BACH2: variants seen among roughly 807,000 people sequenced by gnomAD.
BACH2 encodes transcription regulator protein BACH2.
Under a neutral mutation model 61.8 loss-of-function variants are expected in BACH2, and 5 were observed. The ratio of observed to expected loss-of-function variants is 0.08; its 90% CI spans 0.04 to 0.17. The LOEUF is 0.17. Among genes scored for constraint, BACH2 ranks in the 10% least tolerant of loss-of-function variants. The probability of loss-of-function intolerance (pLI) is 1.00; values close to 1 mark genes in which losing one functional copy is unlikely to be tolerated. For missense variants in BACH2, 824 were observed against 1,091.1 expected (o/e 0.76, Z 3.45); for synonymous variants, 446 against 440.1 (o/e 1.01, Z -0.17).
intron 4 of BACH2, among the ~76,000 whole-genome samples, chr6:90,187,099 G>C (rs1313859852): frequency 2.6e-5 from 4 of 152,196 alleles, no homozygotes; most frequent in African/African-American, 4.8e-5. Context: ...AAAACCTCCT[G>C]AGGGAAACTA....
chr6:89,966,353 G>A (rs1329779389), intron 6 of BACH2, among the ~76,000 whole-genome samples: 1 of 152,156 alleles, frequency 6.6e-6, no homozygotes, highest in Non-Finnish European at 1.5e-5. Context: ...AATGGGCTCT[G>A]CCAATGGAGA....
intron 4 of BACH2, among the ~76,000 whole-genome samples, chr6:90,118,916 A>C (rs1783510774): frequency 6.6e-6 from 1 of 152,098 alleles, no homozygotes; most frequent in African/African-American, 2.4e-5. Context: ...CCTCCTTTAA[A>C]CCCAATACCA....
At position 90,101,423 on chromosome 6, in the gene BACH2, A is replaced by AT. The variant is rs567892787; in HGVS notation, c.-161-12315_-161-12314insA. 9.9e-5 allele frequency among the ~76,000 whole-genome samples: 15 copies of AT among 152,274 alleles called. No homozygotes were observed. In the East Asian group the frequency reaches 2.7e-3, roughly 27 times the overall value. ...TGAGTTAATTTTTGTATATGGTGTA[A>AT]GGTATAAGTCCAAGTTCATTCTTCT... On this transcript the variant is annotated intron_variant, in intron 4 of 8. Transcript: ENST00000257749.
Position 89,932,647 on chromosome 6 carries a change from C to T in BACH2, c.2287G>A (p.Gly763Arg). 2 of 1,614,108 alleles carry T rather than the reference C, an allele frequency of 1.2e-6. No homozygotes were observed. Among genetic ancestry groups the T allele is most frequent in the Non-Finnish European group, 1.7e-6 (2 of 1,180,008 alleles). Residue 763 changes from glycine to arginine, a missense_variant, in exon 9 of 9, where the codon GGG (glycine) becomes AGG (arginine). Physicochemically the swap from Gly to Arg is moderately radical, Grantham distance 125. Transcript: ENST00000257749. ...QNIAASQCAV[G>R]ENVPCCLEPG... ...TCCAAGCAGCAGGGCACGTTTTCCCCCACTGCGCATTGGGAGGCCGCAATG... is the reference window on the plus strand; with the variant it reads ...TCCAAGCAGCAGGGCACGTTTTCCCTCACTGCGCATTGGGAGGCCGCAATG...
chr6:90,159,382 T>C (rs1785110412), intron 4 of BACH2, among the ~76,000 whole-genome samples: 1 of 152,102 alleles, frequency 6.6e-6, no homozygotes, highest in Non-Finnish European at 1.5e-5. Flanking sequence ...AGAGTGAAAA[T>C]ATATGGAAGT....
At chr6:89,992,598 T>C (rs2127775427) in intron 6 of BACH2, among the ~76,000 whole-genome samples, 1 of 152,224 alleles carries the variant, frequency 6.6e-6, no homozygotes, top group African/African-American at 2.4e-5. Context: ...GCTGAGATCG[T>C]GCCACTGCAC....
At chr6:90,223,872 C>G (rs1769824440) in intron 3 of BACH2, among the ~76,000 whole-genome samples, 1 of 152,206 alleles carries the variant, frequency 6.6e-6, no homozygotes, top group African/African-American at 2.4e-5. Context: ...CTCCTAAATA[C>G]AGATAACACT....
chr6:90,256,364 C>T (rs1340704673), intron 2 of BACH2, among the ~76,000 whole-genome samples: 2 of 152,220 alleles, frequency 1.3e-5, no homozygotes. Flanking sequence ...TCTAGGCCTA[C>T]TCCATAAAAA....
chr6:90,059,573 C>T (rs909215260), intron 5 of BACH2, among the ~76,000 whole-genome samples: 1 of 152,152 alleles, frequency 6.6e-6, no homozygotes, highest in South Asian at 2.1e-4. Context: ...GTGGTGATTC[C>T]TCAGGGATCT....
In BACH2 at chr6:89,929,230, A is replaced by C. The variant is rs1462540914; in HGVS notation, c.*3178T>G. On this transcript the variant is annotated 3_prime_UTR_variant, in exon 9 of 9. Transcript: ENST00000257749. ...TTTGTAAGAAAAGAGCCTTAAGAACAACCAAATGTTACTGTACTGTGCAAA... is the reference window on the plus strand; with the variant it reads ...TTTGTAAGAAAAGAGCCTTAAGAACCACCAAATGTTACTGTACTGTGCAAA... 1 of 152,318 alleles carries C rather than the reference A, an allele frequency of 6.6e-6. No individual in the cohort carries two copies. The highest frequency in any genetic ancestry group is 2.4e-5 in the African/African-American group (1 of 41,436). 9.4% of individuals were successfully genotyped at this position (152,318 alleles called of 1,614,324 possible).
chr6:90,294,283 T>C (rs1772268321), intron 1 of BACH2, among the ~76,000 whole-genome samples: 1 of 152,158 alleles, frequency 6.6e-6, no homozygotes, highest in South Asian at 2.1e-4. Context: ...CCTCCTGCAA[T>C]GCAAAACGAA....
At chr6:89,949,346 T>C (rs974458324) in intron 7 of BACH2, among the ~76,000 whole-genome samples, 3 of 152,134 alleles carry the variant, frequency 2.0e-5, no homozygotes, top group East Asian at 1.9e-4. Context: ...AGCTGGTACC[T>C]TGTCAATCAG....
chr6:90,069,720 T>C (rs1393444094), intron 5 of BACH2, among the ~76,000 whole-genome samples: 1 of 152,232 alleles, frequency 6.6e-6, no homozygotes, highest in Admixed American at 6.5e-5. Flanking sequence ...AAACTTTGTA[T>C]TCATTAGAAC....
Position 90,077,921 on chromosome 6 carries a change from A to G in BACH2, c.-13+11040T>C, listed in dbSNP as rs1781546092. 2.6e-5 allele frequency among the ~76,000 whole-genome samples: 4 copies of G among 152,310 alleles called. No individual in the cohort carries two copies. The South Asian group carries it at 8.3e-4, about 32-fold the overall frequency. ...AGGCTAACAAAAAAGTTATGTCCAC[A>G]ATTATGACTTTGTACTGTGAAATAC... On this transcript the variant is annotated intron_variant, in intron 5 of 8. Transcript: ENST00000257749.
At chr6:90,124,853 C>A (rs1034109503) in intron 4 of BACH2, among the ~76,000 whole-genome samples, 1 of 152,154 alleles carries the variant, frequency 6.6e-6, no homozygotes, top group Non-Finnish European at 1.5e-5. Context: ...GCCAGAACAC[C>A]AGCAAGAATG....
At chr6:90,159,884 T>C (rs1785130521) in intron 4 of BACH2, among the ~76,000 whole-genome samples, 2 of 152,178 alleles carry the variant, frequency 1.3e-5, no homozygotes, top group African/African-American at 4.8e-5. Context: ...CTAAGGAGCA[T>C]AAAAAACTGA....
chr6:90,144,388 G>A (rs1300539358), intron 4 of BACH2, among the ~76,000 whole-genome samples: 1 of 152,108 alleles, frequency 6.6e-6, no homozygotes, highest in Non-Finnish European at 1.5e-5. Context: ...GGGAGGGAGG[G>A]AGGAAGGAGA....
At chr6:90,050,385 C>T (rs375803086) in intron 5 of BACH2, among the ~76,000 whole-genome samples, 5 of 152,040 alleles carry the variant, frequency 3.3e-5, no homozygotes, top group Admixed American at 1.3e-4. Flanking sequence ...AACGTAATAT[C>T]GAAGAAGAAC....
At chr6:90,143,331 GTC>G (rs1784523362) in intron 4 of BACH2, among the ~76,000 whole-genome samples, 1 of 152,154 alleles carries the variant, frequency 6.6e-6, no homozygotes, top group South Asian at 2.1e-4. Flanking sequence ...TAAGAATGCA[GTC>G]TCTAGAACCT....
Sources: allele counts gnomAD v4.1 joint callset (sites outside exome capture counted in the v4.1 genomes callset), GRCh38; gene constraint gnomAD v4.1.1; transcripts MANE v1.5; gene names NCBI Gene and HGNC (gene_info 2026-07-23, HGNC 2026-07-21).